Variants in EIF2AK4 observed in about 807,000 individuals in gnomAD.
The protein encoded by EIF2AK4 is eIF-2-alpha kinase GCN2.
In EIF2AK4, 139 loss-of-function variants were observed where a neutral mutation model predicts 211.1. The ratio of observed to expected loss-of-function variants is 0.66; its 90% CI spans 0.57 to 0.76. EIF2AK4 has a LOEUF of 0.76. Ranked by LOEUF, EIF2AK4 falls within the 30% of genes least tolerant of loss-of-function variation. The probability of loss-of-function intolerance (pLI) is 0.00; values close to 1 mark genes in which losing one functional copy is unlikely to be tolerated. For missense variants in EIF2AK4, 1,664 were observed against 2,043.8 expected (o/e 0.81, Z 3.58); for synonymous variants, 710 against 751.3 (o/e 0.94, Z 0.90).
At chr15:39,952,662 G>A (rs1394876896) in intron 4 of EIF2AK4, among the ~76,000 whole-genome samples, 1 of 151,950 alleles carries the variant, frequency 6.6e-6, no homozygotes, top group Non-Finnish European at 1.5e-5. Context: ...TACTTTTAGT[G>A]TTTTGTTCTT....
chr15:39,970,390 A>ACG (rs1335873884), intron 9 of EIF2AK4, among the ~76,000 whole-genome samples: 1 of 152,206 alleles, frequency 6.6e-6, no homozygotes, highest in African/African-American at 2.4e-5. Context: ...ACAGTTGATA[A>ACG]CGCAATTCAG....
intron 37 of EIF2AK4, among the ~76,000 whole-genome samples, chr15:40,033,527 A>G (rs955142796): frequency 3.9e-5 from 6 of 152,228 alleles, no homozygotes; most frequent in African/African-American, 9.6e-5. Flanking sequence ...GCAACATGTC[A>G]TATCAAAGAA....
chr15:40,030,253 G>C, intron 34 of EIF2AK4, 106 bp from the exon 35 acceptor site: 1 of 1,132,370 alleles, frequency 8.8e-7, no homozygotes, highest in Non-Finnish European at 1.3e-6. Context: ...CTAGCCCTTA[G>C]AATCACGACA....
intron 4 of EIF2AK4, among the ~76,000 whole-genome samples, chr15:39,950,762 G>A (rs1383770100): frequency 6.6e-6 from 1 of 151,946 alleles, no homozygotes; most frequent in East Asian, 1.9e-4. Context: ...TGTGAGATAC[G>A]CCACCTGTGA....
chr15:40,016,633 G>T lies in EIF2AK4; in HGVS notation c.3891G>T (p.Glu1297Asp), dbSNP rs1209050219. ...AGTATGGCTTAAAAGACCTAGAGGA[G>T]GTTGTTGGACTGTTGAAGAAACTCG... The part of the protein sequence containing the change: ...LVKYGLKDLE[E>D]VVGLLKKLGI... The change falls in exon 28 of 39, where the codon GAG (glutamate) becomes GAT (aspartate). Residue 1297 changes from glutamate to aspartate, a missense_variant. Coordinates refer to ENST00000263791, the MANE Select transcript of EIF2AK4 (RefSeq NM_001013703.4). 10 of 1,614,188 alleles carry T rather than the reference G, an allele frequency of 6.2e-6. No homozygotes were observed. The highest frequency in any genetic ancestry group is 8.5e-6 in the Non-Finnish European group (10 of 1,180,024).
At chr15:39,954,714 T>G (rs2034366260) in intron 5 of EIF2AK4, among the ~76,000 whole-genome samples, 1 of 152,212 alleles carries the variant, frequency 6.6e-6, no homozygotes, top group South Asian at 2.1e-4. Flanking sequence ...GCTTTTTCCT[T>G]TATTTTTCCT....
rs2034576568 is a variant in EIF2AK4 at position 39,968,569 on chromosome 15, T to G, written c.1553+690T>G. Among the ~76,000 whole-genome samples the G allele has an allele frequency of 2.6e-5, 4 of 152,232 alleles. No homozygotes were observed. In the South Asian group the frequency reaches 8.3e-4, roughly 31 times the overall value. ...TCTGTTAAATGGGAGATAAGATCCC[T>G]TCAGTCTGGATTTTTCCAGATGCTC... On this transcript the variant is annotated intron_variant, in intron 9 of 38. Transcript: ENST00000263791.
rs1223676952 is a variant in EIF2AK4 at position 39,976,474 on chromosome 15, A to G, written c.1879A>G (p.Ser627Gly). ...GAAGCGCATCCCCATCAACCCGGCC[A>G]GCCGGCAGTTCCGCAGGATCAAGGG... ...AVKRIPINPA[S>G]RQFRRIKGEV... is the part of the protein sequence containing the mutation. Residue 627 changes from serine (S) to glycine (G), a missense_variant, in exon 12 of 39, where the codon AGC becomes GGC. Coordinates refer to ENST00000263791, the MANE Select transcript of EIF2AK4 (RefSeq NM_001013703.4). 3 of 1,611,012 alleles carry G rather than the reference A, an allele frequency of 1.9e-6. No homozygotes were observed. The Admixed American group carries it at 5.0e-5, about 27-fold the overall frequency.
chr15:39,965,981 A>G, intron 8 of EIF2AK4, 138 bp downstream of exon 8: 1 of 1,202,602 alleles, frequency 8.3e-7, no homozygotes, highest in Non-Finnish European at 1.1e-6. Flanking sequence ...CAGGGAGGAC[A>G]GTGAAGGACC....
At position 40,025,965 on chromosome 15, in the gene EIF2AK4, A is replaced by G; in HGVS notation, c.4390-12A>G. On this transcript the variant is annotated splice_polypyrimidine_tract_variant and intron_variant, in intron 32 of 38. Transcript: ENST00000263791. ...AACCTCCAAATGATAGATCCGTTTCATTCTTTTTAAGGTTAAGTCTTTCGA... is the reference window on the plus strand; with the variant it reads ...AACCTCCAAATGATAGATCCGTTTCGTTCTTTTTAAGGTTAAGTCTTTCGA... The G allele has an allele frequency of 1.2e-6, 2 of 1,613,030 alleles. No individual in the cohort carries two copies. Among genetic ancestry groups the G allele is most frequent in the East Asian group, 2.2e-5 (1 of 44,866 alleles).
At chr15:39,946,386 A>G (rs1462882101) in intron 3 of EIF2AK4, among the ~76,000 whole-genome samples, 1 of 152,238 alleles carries the variant, frequency 6.6e-6, no homozygotes, top group Non-Finnish European at 1.5e-5. Flanking sequence ...AATATCAAGA[A>G]GTCTATTACT....
intron 36 of EIF2AK4, 99 bp from the exon 37 acceptor site, chr15:40,032,658 C>G: frequency 9.0e-7 from 1 of 1,108,604 alleles, no homozygotes; most frequent in Non-Finnish European, 1.3e-6. Context: ...ATCTCAGACT[C>G]TGCAAACCCT....
Position 40,035,531 on chromosome 15 carries a change from G to A in EIF2AK4, c.*447G>A, listed in dbSNP as rs2035605670. ...TGTCCTACAAAGTTGAGCTTTGTTA[G>A]TTTTTCATGTGTAATATATTATAAA... is the stretch of plus-strand genomic sequence containing the variant. On this transcript the variant is annotated 3_prime_UTR_variant, in exon 39 of 39. Coordinates refer to ENST00000263791, the MANE Select transcript of EIF2AK4 (RefSeq NM_001013703.4). 6.6e-6 allele frequency: 1 copy of A among 152,096 alleles called. No individual in the cohort carries two copies. The highest frequency in any genetic ancestry group is 2.4e-5 in the African/African-American group (1 of 41,348). The allele number at this position is 152,096 out of a possible 1,614,324, so 9.4% of individuals were successfully genotyped here. A position where few individuals can be genotyped will look rare whatever the true frequency, so the allele number is the denominator to read the frequency against.
intron 3 of EIF2AK4, among the ~76,000 whole-genome samples, chr15:39,944,461 T>C (rs2034195770): frequency 8.3e-6 from 1 of 120,356 alleles, no homozygotes; most frequent in African/African-American, 3.5e-5. Context: ...AGGCGGAGTC[T>C]TGCTCTGTCA....
chr15:39,967,801 G>A lies in EIF2AK4; in HGVS notation c.1475G>A (p.Ser492Asn), dbSNP rs73388508. 6.3e-4 allele frequency: 1,023 copies of A among 1,614,216 alleles called. 6 individuals are homozygous for A. In the African/African-American group the frequency reaches 0.012, roughly 19 times the overall value. ...CTTGGCCTTCTGCTGCTGTCCCTCA[G>A]CCAAGGACAGGAATGTGGAGAGTAC... ...WRLGLLLLSLSQGQECGEYPV... is the reference protein window; with the variant it reads ...WRLGLLLLSLNQGQECGEYPV... The change falls in exon 9 of 39, where the codon AGC (serine) becomes AAC (asparagine). Residue 492 changes from serine (S) to asparagine (N), a missense_variant. This residue lies in a region of EIF2AK4 where 641 missense variants were observed against 729.6 expected (regional missense o/e 0.88). Transcript: ENST00000263791.
intron 18 of EIF2AK4, among the ~76,000 whole-genome samples, chr15:39,994,972 G>T (rs1441383514): frequency 6.6e-6 from 1 of 152,108 alleles, no homozygotes; most frequent in Non-Finnish European, 1.5e-5. Flanking sequence ...CTCCCGAGTA[G>T]CTGGGATTAC....
chr15:40,032,306 T>TCAGAGCTTTTTTGCTCAGTGTC, intron 36 of EIF2AK4, 69 bp downstream of exon 36: 2 of 1,426,932 alleles, frequency 1.4e-6, no homozygotes, highest in Non-Finnish European at 2.0e-6. Context: ...GCCTCAGGGT[T>TCAGAGCTTTTTTGCTCAGTGTC]CAGAGCTTTT....
At chr15:39,996,163 A>C (rs529752323) in intron 18 of EIF2AK4, among the ~76,000 whole-genome samples, 1 of 152,192 alleles carries the variant, frequency 6.6e-6, no homozygotes, top group Non-Finnish European at 1.5e-5. Flanking sequence ...CTGCAGGTTC[A>C]TCTATGTTGT....
At position 39,992,340 on chromosome 15, in the gene EIF2AK4, G is replaced by A; in HGVS notation, c.2686+111G>A. 3 of 844,500 alleles carry A rather than the reference G, an allele frequency of 3.6e-6. No individual in the cohort carries two copies. The Admixed American group carries it at 8.4e-5, about 24-fold the overall frequency. The allele number at this position is 844,500 out of a possible 1,614,324, so 52.3% of individuals were successfully genotyped here. ...TTTTATTCTACGGCAGATTTTAATT[G>A]CTCCTTAAGTTAACAAAATTATGGA... On this transcript the variant is annotated intron_variant, in intron 17 of 38. Coordinates refer to ENST00000263791, the MANE Select transcript of EIF2AK4 (RefSeq NM_001013703.4).
Sources: gnomAD v4.1 joint callset for allele counts (sites outside exome capture counted in the v4.1 genomes callset) on GRCh38, gnomAD v4.1.1 for gene constraint, gnomAD v4.1.1 regional missense constraint, MANE v1.5 for transcripts, NCBI Gene and HGNC (gene_info 2026-07-23, HGNC 2026-07-21) for gene names.